Variants in CTNNA2 observed in about 807,000 individuals in gnomAD.
CTNNA2 encodes the protein catenin alpha-2.
Under a neutral mutation model 101.0 loss-of-function variants are expected in CTNNA2, and 42 were observed. The observed-to-expected ratio is 0.42, with a 90% CI of 0.32 to 0.54. The LOEUF (loss-of-function observed/expected upper bound fraction) is 0.54. Ranked by LOEUF, CTNNA2 falls within the 20% of genes least tolerant of loss-of-function variation. The probability of loss-of-function intolerance (pLI) is 0.14; values close to 1 mark genes in which losing one functional copy is unlikely to be tolerated. For synonymous variants in CTNNA2, 450 were observed against 456.4 expected, an observed-to-expected ratio of 0.99 and a Z score of 0.18; for missense variants, 871 against 1,223.1, an observed-to-expected ratio of 0.71 and a Z score of 4.29.
At chr2:80,344,843 T>A (rs1253046600) in intron 7 of CTNNA2, among the ~76,000 whole-genome samples, 2 of 152,108 alleles carry the variant, frequency 1.3e-5, no homozygotes, top group Non-Finnish European at 1.5e-5. Flanking sequence ...TCCATCAAAG[T>A]CAACTCTATC....
intron 9 of CTNNA2, among the ~76,000 whole-genome samples, chr2:80,502,124 A>G (rs1002197550): frequency 1.3e-5 from 2 of 152,198 alleles, no homozygotes; most frequent in African/African-American, 4.8e-5. Flanking sequence ...AGTAAATAGC[A>G]CCATCCCTAA....
At chr2:79,547,904 C>T (rs756145207) in intron 1 of CTNNA2, 1 of 152,234 alleles carries the variant, frequency 6.6e-6, no homozygotes, top group Non-Finnish European at 1.5e-5. Flanking sequence ...TATTTACCTA[C>T]TTATGATTTC....
chr2:79,635,289 G>A lies in CTNNA2; in HGVS notation c.-5-16263G>A, dbSNP rs569471616. Among the ~76,000 whole-genome samples the A allele has an allele frequency of 3.2e-3, 481 of 151,830 alleles. 4 individuals carry two copies. Among genetic ancestry groups the A allele is most frequent in the African/African-American group, 0.011 (458 of 41,474 alleles). On this transcript the variant is annotated intron_variant, in intron 1 of 18. Transcript: ENST00000402739. The stretch of plus-strand genomic sequence containing the variant: ...TACTAAAAAATACAAAAAATTAGCC[G>A]GGCGCGGTGGTGGGCGCCTGTAGTC...
chr2:80,019,457 C>T (rs922280528), intron 7 of CTNNA2, among the ~76,000 whole-genome samples: 1 of 152,124 alleles, frequency 6.6e-6, no homozygotes, highest in African/African-American at 2.4e-5. Context: ...CTCAAGAAAC[C>T]AGGAAAGCAT....
At chr2:80,397,124 TA>T (rs1405973813) in intron 8 of CTNNA2, among the ~76,000 whole-genome samples, 1 of 152,206 alleles carries the variant, frequency 6.6e-6, no homozygotes, top group Non-Finnish European at 1.5e-5. Flanking sequence ...CAATTACAAC[TA>T]AAAAATTCCT....
At chr2:80,234,346 G>A (rs1044026564) in intron 7 of CTNNA2, among the ~76,000 whole-genome samples, 2 of 152,246 alleles carry the variant, frequency 1.3e-5, no homozygotes, top group Admixed American at 1.3e-4. Context: ...TGCATATAGA[G>A]GAAGCACAAA....
intron 3 of CTNNA2, among the ~76,000 whole-genome samples, chr2:79,755,137 C>T (rs1406889051): frequency 1.3e-5 from 2 of 152,048 alleles, no homozygotes; most frequent in South Asian, 2.1e-4. Context: ...CCAGCCTGGG[C>T]AAGATAGCAA....
chr2:79,215,038 G>A (rs1156802899), intron 2 of CTNNA2, among the ~76,000 whole-genome samples: 2 of 152,136 alleles, frequency 1.3e-5, no homozygotes, highest in African/African-American at 4.8e-5. Context: ...CGTCCGTGAT[G>A]GTCTAGGGGG....
chr2:80,523,170 T>A lies in CTNNA2; in HGVS notation c.1291-21812T>A, dbSNP rs139772117. 2.8e-3 allele frequency among the ~76,000 whole-genome samples: 419 copies of A among 152,294 alleles called. 2 individuals are homozygous for A. Among genetic ancestry groups the A allele is most frequent in the Non-Finnish European group, 4.5e-3 (306 of 68,036 alleles). On this transcript the variant is annotated intron_variant, in intron 9 of 18. Coordinates refer to ENST00000402739, the MANE Select transcript of CTNNA2 (RefSeq NM_001282597.3). ...TACCTGTGTATTAGAGGAAAACATTTATTTAATGAAAAAAACCACTTGTAG... is the reference window on the plus strand; with the variant it reads ...TACCTGTGTATTAGAGGAAAACATTAATTTAATGAAAAAAACCACTTGTAG...
intron 9 of CTNNA2, among the ~76,000 whole-genome samples, chr2:80,538,303 C>A (rs1691229577): frequency 6.6e-6 from 1 of 152,036 alleles, no homozygotes; most frequent in Admixed American, 6.5e-5. Context: ...TTTGCCCATG[C>A]CTATGTCCTG....
intron 7 of CTNNA2, among the ~76,000 whole-genome samples, chr2:80,343,762 G>A (rs898310882): frequency 6.6e-6 from 1 of 152,068 alleles, no homozygotes; most frequent in South Asian, 2.1e-4. Flanking sequence ...CTCGCAATTG[G>A]TACTTTGGCT....
At chr2:79,710,096 T>C (rs17017675) in intron 2 of CTNNA2, among the ~76,000 whole-genome samples, 8,796 of 152,172 alleles carry the variant, frequency 0.058, 321 homozygotes, top group South Asian at 0.093. Flanking sequence ...TGATGTTTTC[T>C]GAATCATCCT....
At chr2:79,977,211 T>A (rs1170315703) in intron 7 of CTNNA2, among the ~76,000 whole-genome samples, 1 of 124,146 alleles carries the variant, frequency 8.1e-6, no homozygotes, top group East Asian at 2.1e-4. Context: ...CACGTGCACA[T>A]GCATATGCAT....
At chr2:79,404,750 G>T (rs992711225) in intron 4 of CTNNA2, among the ~76,000 whole-genome samples, 8 of 151,926 alleles carry the variant, frequency 5.3e-5, no homozygotes, top group African/African-American at 1.9e-4. Flanking sequence ...GTGGAAATAT[G>T]GTCCTTGGGC....
At chr2:79,340,587 A>G (rs757252750) in intron 3 of CTNNA2, among the ~76,000 whole-genome samples, 7 of 152,140 alleles carry the variant, frequency 4.6e-5, no homozygotes, top group Non-Finnish European at 1.0e-4. Context: ...TAATCCCAGC[A>G]CTTTGGGAGG....
chr2:79,631,329 C>T (rs1449764521), intron 1 of CTNNA2, among the ~76,000 whole-genome samples: 1 of 152,162 alleles, frequency 6.6e-6, no homozygotes, highest in African/African-American at 2.4e-5. Context: ...TCTGTATACC[C>T]AACTGAGGAA....
chr2:79,339,989 C>A (rs1009288658), intron 3 of CTNNA2: 1 of 152,136 alleles, frequency 6.6e-6, no homozygotes, highest in Non-Finnish European at 1.5e-5. Context: ...TATGCTGCTC[C>A]GTCAGATCTC....
intron 3 of CTNNA2, among the ~76,000 whole-genome samples, chr2:79,361,960 C>T (rs1007713094): frequency 2.6e-5 from 4 of 152,148 alleles, no homozygotes; most frequent in East Asian, 1.9e-4. Flanking sequence ...TTTGGCAACA[C>T]CCTCACAGAC....
At chr2:79,917,032 C>T (rs6547287) in intron 7 of CTNNA2, among the ~76,000 whole-genome samples, 91,142 of 151,736 alleles carry the variant, frequency 0.6, 27,720 homozygotes, top group East Asian at 0.78. Context: ...CTGAAACCTC[C>T]GCCTCTCAGG....
Sources: allele counts gnomAD v4.1 joint callset (sites outside exome capture counted in the v4.1 genomes callset), GRCh38; gene constraint gnomAD v4.1.1; transcripts MANE v1.5; gene names NCBI Gene and HGNC (gene_info 2026-07-23, HGNC 2026-07-21).